Variants in DAW1 observed in about 807,000 individuals in gnomAD.
DAW1 encodes dynein assembly factor with WD repeats 1.
Under a neutral mutation model 56.5 loss-of-function variants are expected in DAW1, and 47 were observed. The ratio of observed to expected loss-of-function variants is 0.83; its 90% CI spans 0.66 to 1.06. The LOEUF (loss-of-function observed/expected upper bound fraction) is 1.06, where lower values mean the gene tolerates loss of function less well. Among genes scored for constraint, DAW1 ranks in the 50% least tolerant of loss-of-function variants. The pLI is 0.00. For synonymous variants in DAW1, 190 were observed against 179.0 expected (o/e 1.06, Z -0.49); for missense variants, 505 against 499.3 (o/e 1.01, Z -0.11).
intron 10 of DAW1, among the ~76,000 whole-genome samples, chr2:227,909,840 G>A (rs1439190404): frequency 6.6e-6 from 1 of 152,066 alleles, no homozygotes; most frequent in Non-Finnish European, 1.5e-5. Flanking sequence ...CATTGGTGAG[G>A]GTGGCTCTTA....
chr2:227,884,301 C>T (rs1038800922), intron 1 of DAW1, among the ~76,000 whole-genome samples: 3 of 151,716 alleles, frequency 2.0e-5, no homozygotes, highest in African/African-American at 7.3e-5. Flanking sequence ...CTTTAAAGTC[C>T]TTGTCAGATG....
At chr2:227,905,179 A>G (rs1691649583) in intron 8 of DAW1, 144 bp downstream of exon 8, 2 of 542,060 alleles carry the variant, frequency 3.7e-6, no homozygotes, top group Non-Finnish European at 3.1e-6. Flanking sequence ...AAATTAATTC[A>G]TTCTTTAATG....
intron 7 of DAW1, 83 bp downstream of exon 7, chr2:227,903,192 G>A (rs928526005): frequency 1.4e-6 from 2 of 1,397,032 alleles, no homozygotes; most frequent in Non-Finnish European, 2.0e-6. Flanking sequence ...TAAGTTGGAG[G>A]TTGTTGAGTT....
chr2:227,904,163 G>T (rs574226010), intron 7 of DAW1, among the ~76,000 whole-genome samples: 1 of 152,004 alleles, frequency 6.6e-6, no homozygotes, highest in Non-Finnish European at 1.5e-5. Flanking sequence ...TTTGTTTTGC[G>T]TACTTAGAAT....
intron 5 of DAW1, 128 bp downstream of exon 5, chr2:227,894,045 T>C (rs1371131225): frequency 1.1e-6 from 1 of 949,458 alleles, no homozygotes; most frequent in Non-Finnish European, 1.5e-6. Flanking sequence ...TGGAAGCCTT[T>C]TAAATACCTC....
chr2:227,896,636 G>C, intron 5 of DAW1, among the ~76,000 whole-genome samples: 1 of 149,818 alleles, frequency 6.7e-6, no homozygotes, highest in Non-Finnish European at 1.5e-5. Flanking sequence ...GTGTGTATGA[G>C]AGAGAGAGAG....
chr2:227,904,942 A>C lies in DAW1; in HGVS notation c.662A>C (p.Glu221Ala), dbSNP rs748719366. 3.1e-6 allele frequency: 5 copies of C among 1,613,162 alleles called. No homozygotes were observed. In the South Asian group the frequency reaches 5.5e-5, roughly 18 times the overall value. Residue 221 changes from glutamate (E) to alanine (A), a missense_variant, in exon 8 of 13, where the codon GAA becomes GCA. By Grantham distance (107) the Glu-to-Ala change is moderately radical. Transcript: ENST00000309931. ...EVYTLRGHSA[E>A]IISLSFNTSG... is the part of the protein sequence containing the mutation. ...CTCTTTTTCTAGGGACATTCTGCCG[A>C]AATCATCTCCTTGTCATTTAACACC...
At chr2:227,893,669 CT>C in intron 4 of DAW1, 125 bp from the exon 5 acceptor site, 1 of 1,267,850 alleles carries the variant, frequency 7.9e-7, no homozygotes, top group Non-Finnish European at 1.0e-6. Context: ...GAGACTCCCT[CT>C]TAAACAAACA....
chr2:227,902,933 A>AT, intron 6 of DAW1, 69 bp from the exon 7 acceptor site: 1 of 1,487,638 alleles, frequency 6.7e-7, no homozygotes, highest in Non-Finnish European at 9.3e-7. Context: ...CATCTGGAAG[A>AT]TTTTCTGTGT....
At position 227,902,606 on chromosome 2, in the gene DAW1, G is replaced by A. The variant is rs115455351; in HGVS notation, c.541-396G>A. On this transcript the variant is annotated intron_variant, in intron 6 of 12. Transcript: ENST00000309931. ...CCACGTGAAGGCCACCTAAGACTTGGCATTGAGACTACAAGCCAGTAGTCT... is the reference window on the plus strand; with the variant it reads ...CCACGTGAAGGCCACCTAAGACTTGACATTGAGACTACAAGCCAGTAGTCT... 7.9e-3 allele frequency among the ~76,000 whole-genome samples: 1,202 copies of A among 152,246 alleles called. 7 individuals carry two copies. Among genetic ancestry groups the A allele is most frequent in the Non-Finnish European group, 0.012 (800 of 68,024 alleles).
chr2:227,921,564 A>G lies in DAW1; in HGVS notation c.1213+3A>G, dbSNP rs779591164. 10 of 1,612,528 alleles carry G rather than the reference A, an allele frequency of 6.2e-6. No homozygotes were observed. The highest frequency in any genetic ancestry group is 1.1e-5 in the South Asian group (1 of 90,880). On this transcript the variant is annotated splice_donor_region_variant and intron_variant, in intron 12 of 12. Coordinates refer to ENST00000309931, the MANE Select transcript of DAW1 (RefSeq NM_178821.3). The stretch of plus-strand genomic sequence containing the variant: ...TAAAGGCAACATAGTCATTACAGGT[A>G]TGGAAGACATCAACACCATAGACTC...
chr2:227,889,987 T>A lies in DAW1; in HGVS notation c.245T>A (p.Phe82Tyr). The A allele has an allele frequency of 6.3e-7, 1 of 1,588,210 alleles. No homozygotes were observed. The highest frequency in any genetic ancestry group is 8.5e-7 in the Non-Finnish European group (1 of 1,171,240). Reference protein sequence around the residue: ...EKLGQNSNHTFYLFKVLKAHI... With the variant: ...EKLGQNSNHTYYLFKVLKAHI... The stretch of plus-strand genomic sequence containing the variant: ...CTCGGCCAGAACAGCAATCACACGT[T>A]CTATCTTTTTAAGGTAATGGATTTA... Residue 82 changes from phenylalanine to tyrosine, a missense_variant, in exon 3 of 13, where the codon TTC becomes TAC. Coordinates refer to ENST00000309931, the MANE Select transcript of DAW1 (RefSeq NM_178821.3).
At chr2:227,906,465 A>G in intron 9 of DAW1, 127 bp downstream of exon 9, 2 of 717,740 alleles carry the variant, frequency 2.8e-6, no homozygotes, top group South Asian at 5.5e-5. Flanking sequence ...TACAAAAAAT[A>G]GTTGGTAATT....
chr2:227,917,173 TGTC>T (rs1458932283), intron 10 of DAW1, among the ~76,000 whole-genome samples: 2 of 152,078 alleles, frequency 1.3e-5, no homozygotes, highest in East Asian at 3.8e-4. Context: ...TCTGTCTGTC[TGTC>T]TGTCTATCTA....
At chr2:227,894,521 G>T (rs1691361115) in intron 5 of DAW1, among the ~76,000 whole-genome samples, 1 of 152,204 alleles carries the variant, frequency 6.6e-6, no homozygotes, top group Non-Finnish European at 1.5e-5. Context: ...CAATCCTTGG[G>T]AGTTCCGACA....
At chr2:227,912,825 T>C (rs17197797) in intron 10 of DAW1, among the ~76,000 whole-genome samples, 73,635 of 151,980 alleles carry the variant, frequency 0.48, 18,306 homozygotes, top group Middle Eastern at 0.62. Flanking sequence ...TCTCATACGT[T>C]TGCATCTGTA....
intron 5 of DAW1, among the ~76,000 whole-genome samples, chr2:227,897,518 G>T (rs1691439508): frequency 6.6e-6 from 1 of 152,220 alleles, no homozygotes; most frequent in Admixed American, 6.5e-5. Flanking sequence ...AAAGACAGTT[G>T]TAAGCCAGGG....
chr2:227,872,360 G>T (rs1690776770), intron 1 of DAW1: 1 of 151,414 alleles, frequency 6.6e-6, no homozygotes, highest in Non-Finnish European at 1.5e-5. Context: ...CTTGCCCAAT[G>T]AAGTTTGGAT....
At chr2:227,898,391 GCTCACTGCAAGCTCCGC>G in intron 6 of DAW1, 110 bp downstream of exon 6, 1 of 459,872 alleles carries the variant, frequency 2.2e-6, no homozygotes, top group Non-Finnish European at 3.1e-6. Context: ...CACAATCTTG[GCTCACTGCAAGCTCCGC>G]CTCCTGGGTT....
Sources: gnomAD v4.1 joint callset for allele counts (sites outside exome capture counted in the v4.1 genomes callset) on GRCh38, gnomAD v4.1.1 for gene constraint, MANE v1.5 for transcripts, NCBI Gene and HGNC (gene_info 2026-07-23, HGNC 2026-07-21) for gene names.